The following EML6 variants were observed in gnomAD, a reference collection of about 807,000 sequenced individuals.
EML6 encodes EMAP like 6, also known as echinoderm microtubule-associated protein-like 6.
EML6 carries 154 observed loss-of-function variants against 240.1 expected under a neutral mutation model. The ratio of observed to expected loss-of-function variants is 0.64; its 90% CI spans 0.56 to 0.73. The LOEUF (loss-of-function observed/expected upper bound fraction) is 0.73, where lower values mean the gene tolerates loss of function less well. EML6 is among the 30% of genes least tolerant of loss of function. The probability of loss-of-function intolerance (pLI) is 0.00; values close to 1 mark genes in which losing one functional copy is unlikely to be tolerated. For synonymous variants in EML6, 1,148 were observed against 899.0 expected, an observed-to-expected ratio of 1.28 and a Z score of -4.95; for missense variants, 2,964 against 2,474.6, an observed-to-expected ratio of 1.20 and a Z score of -4.20.
chr2:54,834,288 T>G (rs898794696), intron 7 of EML6, among the ~76,000 whole-genome samples: 4 of 152,200 alleles, frequency 2.6e-5, no homozygotes, highest in Non-Finnish European at 5.9e-5. Context: ...CTGAGTCTGA[T>G]CACTTTTAAA....
intron 7 of EML6, among the ~76,000 whole-genome samples, chr2:54,843,066 C>T (rs569610228): frequency 3.3e-5 from 5 of 152,238 alleles, no homozygotes; most frequent in South Asian, 2.1e-4. Flanking sequence ...GTGTCACCCA[C>T]GTATAATTTT....
intron 7 of EML6, among the ~76,000 whole-genome samples, chr2:54,838,234 C>G (rs1433118244): frequency 6.6e-6 from 1 of 152,232 alleles, no homozygotes; most frequent in African/African-American, 2.4e-5. Context: ...GCAAGTTGTT[C>G]TGTGCTGAGA....
chr2:54,739,112 AT>A (rs1683523530), intron 2 of EML6, among the ~76,000 whole-genome samples: 1 of 152,208 alleles, frequency 6.6e-6, no homozygotes, highest in South Asian at 2.1e-4. Context: ...ATAAAGTAAA[AT>A]ATATACATAT....
chr2:54,917,303 G>C (rs1348355848), intron 26 of EML6, among the ~76,000 whole-genome samples: 1 of 142,118 alleles, frequency 7.0e-6, no homozygotes, highest in Admixed American at 7.0e-5. Context: ...ACCTCCAATT[G>C]TTAAAACGTT....
chr2:54,967,209 T>C (rs551799833), intron 39 of EML6, 106 bp downstream of exon 39: 2 of 730,996 alleles, frequency 2.7e-6, no homozygotes, highest in South Asian at 1.8e-5. Context: ...AGCTGAGAAA[T>C]GGAGCTGTCT....
chr2:54,789,513 C>CAAAAAAAAAAA lies in EML6; in HGVS notation c.198-23694_198-23684dup, dbSNP rs576842183. On this transcript the variant is annotated intron_variant, in intron 2 of 41. Coordinates refer to ENST00000356458, the MANE Select transcript of EML6 (RefSeq NM_001039753.4). ...TGGGCCACAGAGCGAGACTTCGTCT[C>CAAAAAAAAAAA]AAAAAAAAAAAAAAAAAAAAAAAAA... Among the ~76,000 whole-genome samples the CAAAAAAAAAAA allele has an allele frequency of 4.3e-3, 334 of 77,856 alleles. 4 individuals are homozygous for CAAAAAAAAAAA. The highest frequency in any genetic ancestry group is 5.7e-3 in the Non-Finnish European group (224 of 39,460). 51.1% of individuals were successfully genotyped at this position (77,856 alleles called of 152,430 possible). A position where few individuals can be genotyped will look rare whatever the true frequency, so the allele number is the denominator to read the frequency against.
chr2:54,907,900 T>A (rs965103274), intron 24 of EML6, among the ~76,000 whole-genome samples: 8 of 136,236 alleles, frequency 5.9e-5, no homozygotes, highest in Non-Finnish European at 9.4e-5. Context: ...ATTAGATAGA[T>A]TAGATAGATA....
At chr2:54,908,790 C>G (rs796700391) in intron 24 of EML6, among the ~76,000 whole-genome samples, 10 of 152,298 alleles carry the variant, frequency 6.6e-5, no homozygotes, top group African/African-American at 2.4e-4. Flanking sequence ...TTCAGCCTCT[C>G]AGATTCCAGT....
rs537073865 is a variant in EML6, at chr2:54,938,433, C to T, written c.4004+9682C>T. Among the ~76,000 whole-genome samples the T allele has an allele frequency of 7.4e-4, 113 of 152,274 alleles. No homozygotes were observed. The Middle Eastern group carries it at 0.017, about 23-fold the overall frequency. ...TAGGGCTTCCCAAGTCCCTCTCATG[C>T]CTCAGTGAGACATACAGCCATGCTT... is the stretch of plus-strand genomic sequence containing the variant. On this transcript the variant is annotated intron_variant, in intron 28 of 41. Coordinates refer to ENST00000356458, the MANE Select transcript of EML6 (RefSeq NM_001039753.4).
intron 8 of EML6, among the ~76,000 whole-genome samples, chr2:54,845,590 A>AG (rs1046279003): frequency 1.3e-5 from 2 of 152,208 alleles, no homozygotes; most frequent in Non-Finnish European, 2.9e-5. Context: ...GTGACTTCAG[A>AG]GGGATAGTAC....
chr2:54,800,514 C>G (rs917547182), intron 2 of EML6, among the ~76,000 whole-genome samples: 1 of 152,084 alleles, frequency 6.6e-6, no homozygotes, highest in Non-Finnish European at 1.5e-5. Context: ...TCAGAGACCC[C>G]TCCCACACAG....
intron 2 of EML6, among the ~76,000 whole-genome samples, chr2:54,744,905 TACACACACACAC>T (rs56324677): frequency 0.045 from 4,869 of 107,232 alleles, 160 homozygotes; most frequent in Admixed American, 0.1. Context: ...CACACACACG[TACACACACACAC>T]ACACACACAC....
intron 28 of EML6, 66 bp from the exon 29 acceptor site, chr2:54,948,816 C>T (rs1375565651): frequency 7.6e-7 from 1 of 1,310,278 alleles, no homozygotes; most frequent in Non-Finnish European, 1.1e-6. Flanking sequence ...AGACAGGCCA[C>T]ACCGGGAAGG....
At chr2:54,935,167 G>T (rs1264450593) in intron 28 of EML6, among the ~76,000 whole-genome samples, 1 of 152,154 alleles carries the variant, frequency 6.6e-6, no homozygotes, top group African/African-American at 2.4e-5. Context: ...TCCTTTGGTT[G>T]GGTGTACGTG....
At chr2:54,784,576 C>G (rs1236046656) in intron 2 of EML6, among the ~76,000 whole-genome samples, 2 of 152,194 alleles carry the variant, frequency 1.3e-5, no homozygotes, top group East Asian at 3.9e-4. Context: ...CCAAGTAGAA[C>G]TTTCTGACTC....
intron 4 of EML6, among the ~76,000 whole-genome samples, chr2:54,819,463 T>C (rs578016202): frequency 5.9e-5 from 9 of 152,284 alleles, no homozygotes; most frequent in Middle Eastern, 3.4e-3. Context: ...ACGTGCAAAC[T>C]GTCTGGTAGC....
chr2:54,859,454 C>T, intron 11 of EML6, 80 bp from the exon 12 acceptor site: 17 of 1,101,040 alleles, frequency 1.5e-5, no homozygotes. Context: ...TACTCTTCAA[C>T]ATGAACAGAA....
In EML6 at chr2:54,924,735, G is replaced by A. The variant is rs530365786; in HGVS notation, c.3676-3578G>A. On this transcript the variant is annotated intron_variant, in intron 26 of 41. Coordinates refer to ENST00000356458, the MANE Select transcript of EML6 (RefSeq NM_001039753.4). ...TGCTGCCATACCTGGCTAATTTTTT[G>A]TATTTTTAGTAGAGATGGGGTTTCG... Among the ~76,000 whole-genome samples the A allele has an allele frequency of 3.3e-5, 5 of 152,178 alleles. No homozygotes were observed. The South Asian group carries it at 1.0e-3, about 32-fold the overall frequency.
intron 28 of EML6, among the ~76,000 whole-genome samples, chr2:54,932,641 A>G (rs1007170970): frequency 6.6e-6 from 1 of 152,180 alleles, no homozygotes; most frequent in Non-Finnish European, 1.5e-5. Context: ...TCCTTTTGGG[A>G]GAAAAAATGA....
Sources: allele counts gnomAD v4.1 joint callset (sites outside exome capture counted in the v4.1 genomes callset), GRCh38; gene constraint gnomAD v4.1.1; transcripts MANE v1.5; gene names NCBI Gene and HGNC (gene_info 2026-07-23, HGNC 2026-07-21).